The following ANXA2 variants were observed in gnomAD, a reference collection of about 807,000 sequenced individuals.
ANXA2 encodes annexin II.
Under a neutral mutation model 47.3 loss-of-function variants are expected in ANXA2, and 28 were observed. That is an observed-to-expected ratio of 0.59 (90% CI 0.44 to 0.81). The LOEUF (loss-of-function observed/expected upper bound fraction) is 0.81, where lower values mean the gene tolerates loss of function less well. Ranked by LOEUF, ANXA2 falls within the 40% of genes least tolerant of loss-of-function variation. The pLI, the probability that ANXA2 is intolerant of heterozygous loss-of-function variation, is 0.00. For synonymous variants in ANXA2, 172 were observed against 155.5 expected (o/e 1.11, Z -0.79); for missense variants, 384 against 414.3 (o/e 0.93, Z 0.64).
At chr15:60,377,087 C>T (rs544703128) in intron 3 of ANXA2, among the ~76,000 whole-genome samples, 3 of 152,168 alleles carry the variant, frequency 2.0e-5, no homozygotes, top group African/African-American at 4.8e-5. Context: ...AAGGAAACAC[C>T]AACTACTTAG....
At chr15:60,361,835 C>T (rs554347583) in intron 4 of ANXA2, among the ~76,000 whole-genome samples, 82 of 152,192 alleles carry the variant, frequency 5.4e-4, no homozygotes, top group Admixed American at 9.2e-4. Flanking sequence ...GCGATGCTTC[C>T]TCGAGCTAAA....
chr15:60,389,772 T>C (rs967310621), intron 1 of ANXA2, among the ~76,000 whole-genome samples: 2 of 152,216 alleles, frequency 1.3e-5, no homozygotes, highest in Admixed American at 1.3e-4. Context: ...TCCCTCTGTT[T>C]ACTCCTCAGC....
At chr15:60,371,732 A>G (rs953780550) in intron 3 of ANXA2, among the ~76,000 whole-genome samples, 1 of 152,256 alleles carries the variant, frequency 6.6e-6, no homozygotes, top group Non-Finnish European at 1.5e-5. Flanking sequence ...ATTACTGAGC[A>G]TACCAGTATC....
chr15:60,388,776 C>CT (rs1468005582), intron 1 of ANXA2, among the ~76,000 whole-genome samples: 1 of 145,672 alleles, frequency 6.9e-6, no homozygotes, highest in African/African-American at 2.6e-5. Context: ...GTTTCTCTCT[C>CT]TGTTACCCAG....
intron 3 of ANXA2, among the ~76,000 whole-genome samples, chr15:60,367,230 CCCCCGCCCGGCCAGCCG>C (rs2062634031): frequency 8.6e-6 from 1 of 115,634 alleles, no homozygotes; most frequent in African/African-American, 3.4e-5. Flanking sequence ...GGGGGTCAGC[CCCCCGCCCGGCCAGCCG>C]CCCCGTCCGG....
chr15:60,363,707 T>C (rs1450011068), intron 4 of ANXA2, among the ~76,000 whole-genome samples: 1 of 152,180 alleles, frequency 6.6e-6, no homozygotes, highest in African/African-American at 2.4e-5. Context: ...AGTAGGAGCA[T>C]GGCATGTTGA....
At chr15:60,368,307 A>T (rs1566939410) in intron 3 of ANXA2, among the ~76,000 whole-genome samples, 1 of 42,022 alleles carries the variant, frequency 2.4e-5, no homozygotes, top group African/African-American at 7.1e-5. Context: ...AGAATGATCA[A>T]TAAAAAAAAA....
At chr15:60,383,646 T>C (rs1267965282) in intron 2 of ANXA2, 2 of 152,282 alleles carry the variant, frequency 1.3e-5, no homozygotes, top group Non-Finnish European at 2.9e-5. Flanking sequence ...GTGGTTGTGG[T>C]TGGCTGATGG....
chr15:60,362,316 C>T (rs903426768), intron 4 of ANXA2, among the ~76,000 whole-genome samples: 2 of 152,198 alleles, frequency 1.3e-5, no homozygotes, highest in Non-Finnish European at 2.9e-5. Flanking sequence ...TGACTTCTTC[C>T]ACTTCTATTC....
At chr15:60,368,830 G>C (rs889799347) in intron 3 of ANXA2, among the ~76,000 whole-genome samples, 3 of 152,140 alleles carry the variant, frequency 2.0e-5, no homozygotes, top group Non-Finnish European at 4.4e-5. Context: ...CACTTCAAGA[G>C]AGTCCCTGTA....
At chr15:60,366,683 T>C (rs1174647286) in intron 3 of ANXA2, among the ~76,000 whole-genome samples, 1 of 108,094 alleles carries the variant, frequency 9.3e-6, no homozygotes, top group African/African-American at 3.7e-5. Context: ...GTGGGGGGGG[T>C]CAGCCCCCCG....
chr15:60,371,220 AC>A (rs934575037), intron 3 of ANXA2, among the ~76,000 whole-genome samples: 1 of 152,200 alleles, frequency 6.6e-6, no homozygotes, highest in Non-Finnish European at 1.5e-5. Context: ...GATCGTGGGC[AC>A]CCCCAGAGGT....
rs1369859342 is a variant in ANXA2, at chr15:60,354,127, A to C, written c.588+27T>G. ...TCCAGAGACTTACCAGAAAACAAAA[A>C]CTCAAAGCAAAAAGCTCAGCACTTA... On this transcript the variant is annotated intron_variant, in intron 8 of 12. Transcript: ENST00000451270. 1.9e-6 allele frequency: 3 copies of C among 1,608,064 alleles called. No homozygotes were observed. In the South Asian group the frequency reaches 3.3e-5, roughly 18 times the overall value.
chr15:60,367,705 G>A (rs2062651116), intron 3 of ANXA2, among the ~76,000 whole-genome samples: 2 of 108,174 alleles, frequency 1.8e-5, no homozygotes, highest in Admixed American at 1.7e-4. Context: ...GTCAGCCCCC[G>A]CCCGGCCAGC....
intron 4 of ANXA2, among the ~76,000 whole-genome samples, 190 bp downstream of exon 4, chr15:60,364,239 C>A (rs974123201): frequency 6.6e-6 from 1 of 152,204 alleles, no homozygotes; most frequent in East Asian, 1.9e-4. Flanking sequence ...CTGAGGTGCA[C>A]GCGCGCGTGC....
At chr15:60,351,493 C>G in intron 10 of ANXA2, 2 of 615,458 alleles carry the variant, frequency 3.2e-6, no homozygotes, top group South Asian at 4.0e-5. Context: ...GTTTCCACAA[C>G]ACACCCCTCT....
In ANXA2 at chr15:60,352,845, G is replaced by A. The variant is rs1268385649; in HGVS notation, c.589-369C>T. 6.6e-6 allele frequency among the ~76,000 whole-genome samples: 1 copy of A among 152,178 alleles called. No homozygotes were observed. Among genetic ancestry groups the A allele is most frequent in the East Asian group, 1.9e-4 (1 of 5,176 alleles). ...ACATTTAGGGGCAGATAAGCTAGCA[G>A]ATGTTTACTGGACAGCTACAGACCA... On this transcript the variant is annotated intron_variant, in intron 8 of 12. Transcript: ENST00000451270. The surrounding 1 kb of genome is among the most constrained non-coding windows in gnomAD (Gnocchi z 4.2).
chr15:60,364,155 C>T (rs995552766), intron 4 of ANXA2, among the ~76,000 whole-genome samples: 6 of 152,164 alleles, frequency 3.9e-5, no homozygotes, highest in Admixed American at 3.3e-4. Flanking sequence ...CACAGAAGCG[C>T]GAACCCTACT....
At chr15:60,371,976 C>T (rs1466688147) in intron 3 of ANXA2, among the ~76,000 whole-genome samples, 1 of 151,984 alleles carries the variant, frequency 6.6e-6, no homozygotes, top group African/African-American at 2.4e-5. Flanking sequence ...ACGGAGAAAC[C>T]CCATCTCTAC....
Sources: gnomAD v4.1 joint callset for allele counts (sites outside exome capture counted in the v4.1 genomes callset) on GRCh38, gnomAD v4.1.1 for gene constraint, Gnocchi (gnomAD v3.1) non-coding constraint, MANE v1.5 for transcripts, NCBI Gene and HGNC (gene_info 2026-07-23, HGNC 2026-07-21) for gene names.